ELF1: variants seen among roughly 807,000 people sequenced by gnomAD.
The protein encoded by ELF1 is E74 like ETS transcription factor 1.
A neutral mutation model predicts 59.9 loss-of-function variants in ELF1; 24 were observed. The ratio of observed to expected loss-of-function variants is 0.40; its 90% CI spans 0.29 to 0.56. The LOEUF is 0.56. Ranked by LOEUF, ELF1 falls within the 20% of genes least tolerant of loss-of-function variation. The pLI, the probability that ELF1 is intolerant of heterozygous loss-of-function variation, is 0.44. For synonymous variants in ELF1, 248 were observed against 266.2 expected (o/e 0.93, Z 0.67); for missense variants, 627 against 742.2 (o/e 0.84, Z 1.80).
At chr13:40,956,397 A>C (rs1007992258) in intron 3 of ELF1, among the ~76,000 whole-genome samples, 38 of 151,574 alleles carry the variant, frequency 2.5e-4, no homozygotes, top group Non-Finnish European at 5.2e-4. Flanking sequence ...AGTCATCACC[A>C]CTCCCTAATC....
intron 2 of ELF1, among the ~76,000 whole-genome samples, chr13:40,968,721 C>CTTTTTTTGTTTT (rs1306919420): frequency 1.5e-5 from 2 of 137,378 alleles, no homozygotes; most frequent in African/African-American, 5.4e-5. Context: ...TTTCTATATT[C>CTTTTTTTGTTTT]TTTTTTTTTT....
Position 40,940,980 on chromosome 13 carries a change from T to G in ELF1, c.1197A>C (p.Glu399Asp). Residue 399 changes from glutamate to aspartate, a missense_variant, in exon 8 of 9, where the codon GAA (glutamate) becomes GAC (aspartate). Around this residue, in one of 3 missense-constraint regions of ELF1, gnomAD observed 361 missense variants for 396.1 expected, o/e 0.91. Coordinates refer to ENST00000239882, the MANE Select transcript of ELF1 (RefSeq NM_172373.4). ...CCTGCATGGTACTGGTTCTAGCTGC[T>G]TCTCCCTCTGGGACAGCCTGTACTG... ...VQPVQAVPEG[E>D]AARTSTMQDE... The G allele has an allele frequency of 1.2e-6, 2 of 1,614,242 alleles. No homozygotes were observed. Among genetic ancestry groups the G allele is most frequent in the Non-Finnish European group, 1.7e-6 (2 of 1,180,038 alleles).
chr13:40,956,044 GC>G (rs1223086349), intron 3 of ELF1, among the ~76,000 whole-genome samples: 2 of 148,424 alleles, frequency 1.3e-5, no homozygotes, highest in Non-Finnish European at 3.0e-5. Context: ...GAGCCCCTCT[GC>G]CCGGCCACCA....
intron 1 of ELF1, among the ~76,000 whole-genome samples, chr13:41,050,625 C>T (rs758352047): frequency 7.9e-5 from 12 of 152,144 alleles, no homozygotes; most frequent in Non-Finnish European, 1.6e-4. Flanking sequence ...GGCACAATCT[C>T]GGATCGCTGC....
chr13:41,024,772 T>C (rs1369162317), intron 1 of ELF1, among the ~76,000 whole-genome samples: 1 of 152,204 alleles, frequency 6.6e-6, no homozygotes, highest in Non-Finnish European at 1.5e-5. Flanking sequence ...TACTATTCAA[T>C]AATCTCTAAA....
intron 2 of ELF1, among the ~76,000 whole-genome samples, chr13:40,974,192 G>C (rs1872760014): frequency 2.0e-5 from 2 of 100,462 alleles, no homozygotes; most frequent in African/African-American, 5.2e-5. Context: ...TTGCAATAAA[G>C]CTGTTTTTTT....
At chr13:40,984,686 TA>T in intron 1 of ELF1, among the ~76,000 whole-genome samples, 1 of 152,266 alleles carries the variant, frequency 6.6e-6, no homozygotes, top group East Asian at 1.9e-4. Context: ...AAAACGAGAG[TA>T]AGAAAACATA....
chr13:40,934,038 T>A lies in ELF1; in HGVS notation c.1257-10A>T. ...TGGAGCCTGTATAGTCCTATTGAGA[T>A]GATGAAATTAAAGTGAGACAATTAG... On this transcript the variant is annotated splice_polypyrimidine_tract_variant and intron_variant, in intron 8 of 8. Coordinates refer to ENST00000239882, the MANE Select transcript of ELF1 (RefSeq NM_172373.4). 1 of 1,592,530 alleles carries A rather than the reference T, an allele frequency of 6.3e-7. No homozygotes were observed. The highest frequency in any genetic ancestry group is 8.6e-7 in the Non-Finnish European group (1 of 1,167,306).
intron 1 of ELF1, among the ~76,000 whole-genome samples, chr13:41,042,346 A>G (rs994915113): frequency 7.3e-5 from 11 of 151,286 alleles, no homozygotes; most frequent in Non-Finnish European, 1.2e-4. Flanking sequence ...TCAAGCATAC[A>G]TGTGCACAAC....
rs116071000 is a variant in ELF1, at chr13:41,056,548, A to T, written c.-229+4290T>A. The stretch of plus-strand genomic sequence containing the variant: ...CTGTTTAACATTTTGAGGAACTGCC[A>T]AACTGTTTTCCAAAGCAACTGCACC... On this transcript the variant is annotated intron_variant, in intron 1 of 1. Coordinates refer to the ELF1 transcript ENST00000405737. 6.7e-3 allele frequency among the ~76,000 whole-genome samples: 1,018 copies of T among 152,342 alleles called. 12 individuals are homozygous for T. The highest frequency in any genetic ancestry group is 0.022 in the African/African-American group (896 of 41,566).
At chr13:41,043,459 T>A (rs1876708918) in intron 1 of ELF1, among the ~76,000 whole-genome samples, 1 of 152,236 alleles carries the variant, frequency 6.6e-6, no homozygotes, top group African/African-American at 2.4e-5. Context: ...AAGTCTTTAA[T>A]CCATCTTTAA....
chr13:40,936,067 A>G (rs1409730118), intron 8 of ELF1, among the ~76,000 whole-genome samples: 1 of 152,200 alleles, frequency 6.6e-6, no homozygotes, highest in Non-Finnish European at 1.5e-5. Flanking sequence ...GCATAACCTT[A>G]TAATATGTAT....
chr13:40,987,245 T>G (rs1463932361), intron 1 of ELF1, among the ~76,000 whole-genome samples: 1 of 148,340 alleles, frequency 6.7e-6, no homozygotes, highest in Non-Finnish European at 1.5e-5. Flanking sequence ...CGAAAATCAC[T>G]GCTCTCCTTT....
chr13:41,040,474 C>G (rs962470244), intron 1 of ELF1, among the ~76,000 whole-genome samples: 1 of 152,074 alleles, frequency 6.6e-6, no homozygotes, highest in South Asian at 2.1e-4. Flanking sequence ...CCAACCATTT[C>G]GGTACCAGGG....
At chr13:41,052,411 T>G (rs1877123989) in intron 1 of ELF1, among the ~76,000 whole-genome samples, 1 of 152,220 alleles carries the variant, frequency 6.6e-6, no homozygotes, top group Non-Finnish European at 1.5e-5. Context: ...TAAAAATTTA[T>G]GTAAGTTCAT....
chr13:41,022,875 T>C (rs1875744353), upstream of ELF1, among the ~76,000 whole-genome samples: 1 of 152,110 alleles, frequency 6.6e-6, no homozygotes, highest in African/African-American at 2.4e-5. Context: ...CAAGACTCTG[T>C]GTCAGACCTC....
At chr13:41,051,304 G>C (rs573454660) in intron 1 of ELF1, among the ~76,000 whole-genome samples, 1 of 151,890 alleles carries the variant, frequency 6.6e-6, no homozygotes, top group Non-Finnish European at 1.5e-5. Flanking sequence ...AATTCCTTAA[G>C]CTTATGTTTT....
rs902810155 is a variant in ELF1, at chr13:40,975,926, T to C, written c.72+6057A>G. Among the ~76,000 whole-genome samples, 3 of 152,256 alleles carry C rather than the reference T, an allele frequency of 2.0e-5. No individual in the cohort carries two copies. The South Asian group carries it at 6.2e-4, about 32-fold the overall frequency. On this transcript the variant is annotated intron_variant, in intron 2 of 8. Coordinates refer to ENST00000239882, the MANE Select transcript of ELF1 (RefSeq NM_172373.4). ...GTAATATTAAGGGGAAAAAAGACAA[T>C]GTCTTACTTCAAATAATTTAACACA...
At chr13:40,999,398 G>A (rs921478697) in intron 1 of ELF1, among the ~76,000 whole-genome samples, 4 of 152,184 alleles carry the variant, frequency 2.6e-5, no homozygotes, top group Non-Finnish European at 4.4e-5. Flanking sequence ...GCGTGTATGC[G>A]TACGTGAATG....
Sources: gnomAD v4.1 joint callset for allele counts (sites outside exome capture counted in the v4.1 genomes callset) on GRCh38, gnomAD v4.1.1 for gene constraint, gnomAD v4.1.1 regional missense constraint, MANE v1.5 for transcripts, NCBI Gene and HGNC (gene_info 2026-07-23, HGNC 2026-07-21) for gene names.